SPAG16: variants seen among roughly 807,000 people sequenced by gnomAD.
SPAG16 encodes the protein sperm-associated antigen 16 protein.
A neutral mutation model predicts 80.4 loss-of-function variants in SPAG16; 86 were observed. That is an observed-to-expected ratio of 1.07 (90% CI 0.90 to 1.28). The LOEUF (loss-of-function observed/expected upper bound fraction) is 1.28. Among genes scored for constraint, SPAG16 ranks in the 50% most tolerant of loss-of-function variants. SPAG16 has a pLI of 0.00. For missense variants in SPAG16, 870 were observed against 765.3 expected (o/e 1.14, Z -1.61); for synonymous variants, 294 against 265.9 (o/e 1.11, Z -1.03).
chr2:213,701,831 A>G (rs1010036382), intron 10 of SPAG16, among the ~76,000 whole-genome samples: 3 of 152,276 alleles, frequency 2.0e-5, no homozygotes, highest in Non-Finnish European at 4.4e-5. Flanking sequence ...AAACGTGACA[A>G]TCAGCACTCT....
chr2:213,410,308 G>A (rs961632245), intron 9 of SPAG16, among the ~76,000 whole-genome samples: 5 of 152,228 alleles, frequency 3.3e-5, no homozygotes, highest in African/African-American at 1.2e-4. Context: ...TAATGCTTGC[G>A]TTGTTATACC....
intron 15 of SPAG16, chr2:214,249,926 T>C (rs1353769574): frequency 2.6e-5 from 4 of 152,182 alleles, no homozygotes; most frequent in Admixed American, 2.6e-4. Flanking sequence ...TATTTTTCAC[T>C]CACGTACTGT....
intron 10 of SPAG16, among the ~76,000 whole-genome samples, chr2:213,562,839 T>C (rs970796657): frequency 1.2e-4 from 19 of 152,246 alleles, no homozygotes; most frequent in African/African-American, 4.3e-4. Context: ...TTCATATTTA[T>C]AGATGGTGCT....
intron 15 of SPAG16, among the ~76,000 whole-genome samples, chr2:214,219,165 G>A (rs1414543525): frequency 6.6e-6 from 1 of 151,988 alleles, no homozygotes; most frequent in Non-Finnish European, 1.5e-5. Context: ...ACAAATTTGG[G>A]CATTTGGAAA....
intron 10 of SPAG16, among the ~76,000 whole-genome samples, chr2:213,793,753 C>G (rs2070847976): frequency 6.6e-6 from 1 of 152,226 alleles, no homozygotes; most frequent in South Asian, 2.1e-4. Flanking sequence ...TTAATGTTGC[C>G]TCTTTGAAAT....
intron 15 of SPAG16, among the ~76,000 whole-genome samples, chr2:214,252,610 G>A (rs978858515): frequency 2.6e-4 from 40 of 151,990 alleles, no homozygotes; most frequent in African/African-American, 9.2e-4. Context: ...CCATGTCCCT[G>A]CAAAGAACAT....
intron 10 of SPAG16, among the ~76,000 whole-genome samples, chr2:213,774,172 A>G (rs2069428742): frequency 6.6e-6 from 1 of 152,126 alleles, no homozygotes; most frequent in Admixed American, 6.5e-5. Flanking sequence ...TCTTTTGCCT[A>G]TTGGTTATGT....
At chr2:213,944,988 A>T (rs1456333319) in intron 12 of SPAG16, among the ~76,000 whole-genome samples, 1 of 152,116 alleles carries the variant, frequency 6.6e-6, no homozygotes, top group Non-Finnish European at 1.5e-5. Flanking sequence ...CAATGAGCCA[A>T]GATCGTGCCA....
Position 213,315,978 on chromosome 2 carries a change from C to G in SPAG16, c.399-1241C>G, listed in dbSNP as rs115742741. On this transcript the variant is annotated intron_variant, in intron 4 of 15. Coordinates refer to ENST00000331683, the MANE Select transcript of SPAG16 (RefSeq NM_024532.5). The stretch of plus-strand genomic sequence containing the variant: ...CTTCATTTCTTTCTTTCTTTACTTT[C>G]ATTTCCCACTGCCTAGCTGGTCTTT... 5.2e-3 allele frequency among the ~76,000 whole-genome samples: 790 copies of G among 152,042 alleles called. 4 individuals are homozygous for G. Among genetic ancestry groups the G allele is most frequent in the African/African-American group, 0.017 (701 of 41,498 alleles).
chr2:214,286,036 G>A (rs1287137407), intron 15 of SPAG16, among the ~76,000 whole-genome samples: 1 of 151,590 alleles, frequency 6.6e-6, no homozygotes, highest in African/African-American at 2.4e-5. Context: ...GTTAACTTTT[G>A]TACATCACTT....
chr2:213,354,694 A>C (rs1261233584), intron 7 of SPAG16, among the ~76,000 whole-genome samples: 1 of 152,150 alleles, frequency 6.6e-6, no homozygotes, highest in African/African-American at 2.4e-5. Flanking sequence ...TCTTTTGAGA[A>C]GTATCTGTTC....
intron 13 of SPAG16, among the ~76,000 whole-genome samples, chr2:214,050,736 A>G (rs2049599576): frequency 6.6e-6 from 1 of 152,148 alleles, no homozygotes; most frequent in African/African-American, 2.4e-5. Flanking sequence ...TTGTGTCCAT[A>G]GGTTCCCCAT....
chr2:213,463,917 C>T (rs1489724938), intron 9 of SPAG16, among the ~76,000 whole-genome samples: 1 of 152,234 alleles, frequency 6.6e-6, no homozygotes, highest in Non-Finnish European at 1.5e-5. Flanking sequence ...GAATCTATTT[C>T]AGTGACCTTC....
At chr2:214,406,273 A>C (rs1379151357) in intron 15 of SPAG16, among the ~76,000 whole-genome samples, 1 of 152,206 alleles carries the variant, frequency 6.6e-6, no homozygotes, top group East Asian at 1.9e-4. Flanking sequence ...AAATTAATTT[A>C]AAATTCAATA....
At chr2:214,282,622 G>A (rs916574324) in intron 15 of SPAG16, among the ~76,000 whole-genome samples, 8 of 151,988 alleles carry the variant, frequency 5.3e-5, no homozygotes, top group African/African-American at 9.7e-5. Flanking sequence ...AAGAAATACC[G>A]TCTTTTAATT....
intron 15 of SPAG16, among the ~76,000 whole-genome samples, chr2:214,222,906 G>A (rs1218796172): frequency 2.0e-5 from 3 of 152,140 alleles, no homozygotes; most frequent in Non-Finnish European, 4.4e-5. Flanking sequence ...TAATTTTAAG[G>A]TGAACCAAGG....
intron 15 of SPAG16, among the ~76,000 whole-genome samples, chr2:214,388,157 C>T (rs1233015124): frequency 6.6e-6 from 1 of 151,652 alleles, no homozygotes; most frequent in African/African-American, 2.4e-5. Context: ...GATCTACTGA[C>T]CTGGAAAAAT....
chr2:213,644,190 C>A (rs779908378), intron 10 of SPAG16, among the ~76,000 whole-genome samples: 63 of 151,766 alleles, frequency 4.2e-4, no homozygotes, highest in Non-Finnish European at 7.8e-4. Context: ...GTGCTCAATT[C>A]TTTTTAATTA....
chr2:213,356,398 G>T (rs2065653573), intron 7 of SPAG16, among the ~76,000 whole-genome samples: 1 of 152,148 alleles, frequency 6.6e-6, no homozygotes, highest in Non-Finnish European at 1.5e-5. Flanking sequence ...TGGTTGGTAG[G>T]TTATTAATTA....
Sources: allele counts gnomAD v4.1 joint callset (sites outside exome capture counted in the v4.1 genomes callset), GRCh38; gene constraint gnomAD v4.1.1; transcripts MANE v1.5; gene names NCBI Gene and HGNC (gene_info 2026-07-23, HGNC 2026-07-21).